The following RPS6KA3 variants were observed in gnomAD, a reference collection of about 807,000 sequenced individuals.
RPS6KA3 encodes ribosomal protein S6 kinase A3.
A neutral mutation model predicts 67.2 loss-of-function variants in RPS6KA3; 4 were observed. That is an observed-to-expected ratio of 0.06 (90% confidence interval 0.03 to 0.14). RPS6KA3 has a LOEUF of 0.14. Among genes scored for constraint, RPS6KA3 ranks in the 10% least tolerant of loss-of-function variants. RPS6KA3 has a pLI of 1.00. For synonymous variants in RPS6KA3, 182 were observed against 183.7 expected, an observed-to-expected ratio of 0.99 and a Z score of 0.07; for missense variants, 204 against 559.0, an observed-to-expected ratio of 0.36 and a Z score of 6.40.
intron 20 of RPS6KA3, among the ~76,000 whole-genome samples, chrX:20,157,315 A>C (rs1395269413): frequency 9.8e-6 from 1 of 101,848 alleles, no homozygotes; most frequent in Admixed American, 1.1e-4. Flanking sequence ...AAGTCTAGGC[A>C]ACATTGTGAG....
intron 10 of RPS6KA3, among the ~76,000 whole-genome samples, chrX:20,183,814 A>T (rs1258289731): frequency 1.8e-5 from 2 of 112,242 alleles, no homozygotes; most frequent in Non-Finnish European, 3.8e-5. Context: ...ATTTGCATTG[A>T]AACTATAGTT....
At chrX:20,233,123 G>A (rs998914623) in intron 2 of RPS6KA3, among the ~76,000 whole-genome samples, 7 of 111,438 alleles carry the variant, frequency 6.3e-5, no homozygotes, top group Admixed American at 9.5e-5. Context: ...GCAGCAGAGC[G>A]AGACTCTGTC....
rs1035809900 is a variant in RPS6KA3, at chrX:20,152,529, T to C, written c.*2869A>G. The C allele has an allele frequency of 8.9e-6, 1 of 112,086 alleles. No homozygotes were observed. Among genetic ancestry groups the C allele is most frequent in the Non-Finnish European group, 1.9e-5 (1 of 53,214 alleles). The allele number at this position is 112,086 out of a possible 1,213,427, so 9.2% of individuals were successfully genotyped here. A position where few individuals can be genotyped will look rare whatever the true frequency, so the allele number is the denominator to read the frequency against. On this transcript the variant is annotated 3_prime_UTR_variant, in exon 22 of 22. Coordinates refer to ENST00000379565, the MANE Select transcript of RPS6KA3 (RefSeq NM_004586.3). ...TGATACCTTTTGGGAGAAGCCTCAG[T>C]AACTGGCAGCACTAATTGGTGAAAG...
At chrX:20,167,334 T>C (rs769966339) in intron 17 of RPS6KA3, among the ~76,000 whole-genome samples, 3 of 111,616 alleles carry the variant, frequency 2.7e-5, no homozygotes, top group East Asian at 2.8e-4. Flanking sequence ...GCAGAAACAA[T>C]GCTATGTTTT....
chrX:20,257,073 G>C (rs761890470), intron 1 of RPS6KA3, among the ~76,000 whole-genome samples: 2 of 112,123 alleles, frequency 1.8e-5, no homozygotes, highest in South Asian at 7.4e-4. Context: ...GGGCAACCAT[G>C]AGCACGTTAT....
At position 20,156,072 on chromosome X, in the gene RPS6KA3, G is replaced by A. The variant is rs201099576; in HGVS notation, c.2100+37C>T. On this transcript the variant is annotated intron_variant, in intron 21 of 21. Coordinates refer to ENST00000379565, the MANE Select transcript of RPS6KA3 (RefSeq NM_004586.3). Reference sequence around the variant, plus strand: ...GGGCTTCTTGAAGTCTCTCCTGGAGGACCTGTGGAAAACAGTGACTGTATG... The same window carrying A: ...GGGCTTCTTGAAGTCTCTCCTGGAGAACCTGTGGAAAACAGTGACTGTATG... 288 of 1,197,104 alleles carry A rather than the reference G, an allele frequency of 2.4e-4. No individual in the cohort carries two copies. The African/African-American group carries it at 4.5e-3, about 19-fold the overall frequency.
rs1336991330 is a variant in RPS6KA3, at chrX:20,266,640, C to T, written c.-8G>A. The T allele has an allele frequency of 8.8e-7, 1 of 1,133,678 alleles. No individual in the cohort carries two copies. Among genetic ancestry groups the T allele is most frequent in the Middle Eastern group, 2.8e-4 (1 of 3,550 alleles). The allele number at this position is 1,133,678 out of a possible 1,213,427, so 93.4% of individuals were successfully genotyped here. On this transcript the variant is annotated 5_prime_UTR_variant, in exon 1 of 22. Coordinates refer to ENST00000379565, the MANE Select transcript of RPS6KA3 (RefSeq NM_004586.3). ...CAGCTGCGCCAGCGGCATCTTCCCC[C>T]CCGGCCCGCCGCCTTCACCGCCTCC...
intron 2 of RPS6KA3, among the ~76,000 whole-genome samples, chrX:20,221,277 C>T (rs1209444470): frequency 8.9e-6 from 1 of 111,753 alleles, no homozygotes; most frequent in Non-Finnish European, 1.9e-5. Flanking sequence ...AAACTAGATA[C>T]TGTTCTTTTT....
rs897792115 is a variant in RPS6KA3 at position 20,161,127 on chromosome X, C to T, written c.1959+517G>A. 6.3e-5 allele frequency among the ~76,000 whole-genome samples: 7 copies of T among 111,581 alleles called. No individual in the cohort carries two copies. In the East Asian group the frequency reaches 2.0e-3, roughly 31 times the overall value. On this transcript the variant is annotated intron_variant, in intron 20 of 21. Transcript: ENST00000379565. ...ATACATCTGTTTATCGTGAAAAAAC[C>T]GAAACCCCTTTCTTCATAATCTGAA...
intron 18 of RPS6KA3, 25 bp from the exon 19 acceptor site, chrX:20,163,065 T>G (rs766510543): frequency 3.2e-6 from 3 of 932,137 alleles, no homozygotes; most frequent in Non-Finnish European, 4.7e-6. Flanking sequence ...AAATTAGTAT[T>G]ACTATACCAC....
At chrX:20,196,411 T>G (rs1489801968) in intron 4 of RPS6KA3, among the ~76,000 whole-genome samples, 1 of 112,502 alleles carries the variant, frequency 8.9e-6, no homozygotes, top group African/African-American at 3.2e-5. Flanking sequence ...AAGCTCATGA[T>G]CTAGTGGGAA....
intron 15 of RPS6KA3, among the ~76,000 whole-genome samples, chrX:20,170,860 A>AT (rs1394551032): frequency 9.0e-6 from 1 of 110,920 alleles, no homozygotes; most frequent in African/African-American, 3.3e-5. Flanking sequence ...CTGCAGCCTG[A>AT]ACCTCCTGAG....
chrX:20,184,311 A>G (rs748131264), intron 10 of RPS6KA3, among the ~76,000 whole-genome samples: 2 of 111,443 alleles, frequency 1.8e-5, no homozygotes, highest in South Asian at 7.5e-4. Context: ...GGCCTCCCAA[A>G]GTGCTGGGAT....
At chrX:20,261,435 A>G (rs1479821843) in intron 1 of RPS6KA3, among the ~76,000 whole-genome samples, 1 of 112,282 alleles carries the variant, frequency 8.9e-6, no homozygotes, top group Non-Finnish European at 1.9e-5. Context: ...TTATTTATCA[A>G]TTGAAAAGTA....
At chrX:20,181,396 C>T (rs1477402477) in intron 10 of RPS6KA3, among the ~76,000 whole-genome samples, 1 of 110,360 alleles carries the variant, frequency 9.1e-6, no homozygotes, top group Non-Finnish European at 1.9e-5. Context: ...AGGGAGTGGC[C>T]ACCAGTGTCA....
At chrX:20,253,009 C>T (rs749240139) in intron 1 of RPS6KA3, among the ~76,000 whole-genome samples, 133 of 111,019 alleles carry the variant, frequency 1.2e-3, no homozygotes, top group Non-Finnish European at 1.6e-3. Flanking sequence ...CAATCTGCTA[C>T]TAGACCCCAC....
intron 2 of RPS6KA3, among the ~76,000 whole-genome samples, chrX:20,230,317 T>C (rs1403294722): frequency 8.9e-6 from 1 of 112,036 alleles, no homozygotes; most frequent in Non-Finnish European, 1.9e-5. Context: ...TGGTATGGTG[T>C]TGCCATTTAA....
chrX:20,193,309 A>G (rs188237646), intron 7 of RPS6KA3, among the ~76,000 whole-genome samples, 178 bp downstream of exon 7: 75 of 112,391 alleles, frequency 6.7e-4, no homozygotes, highest in Non-Finnish European at 1.2e-3. Flanking sequence ...ATGCACACAA[A>G]AACAGTATTT....
Position 20,155,292 on chromosome X carries a change from C to G in RPS6KA3, c.*106G>C. ...GGAACAGCAGCATTATGGGTACCAG[C>G]TGGGACAGTGTGTGCTTGCAGGTGT... is the stretch of plus-strand genomic sequence containing the variant. On this transcript the variant is annotated 3_prime_UTR_variant, in exon 22 of 22. Transcript: ENST00000379565. The G allele has an allele frequency of 1.1e-6, 1 of 906,655 alleles. No individual in the cohort carries two copies. The highest frequency in any genetic ancestry group is 1.6e-6 in the Non-Finnish European group (1 of 618,466). The allele number at this position is 906,655 out of a possible 1,213,427, so 74.7% of individuals were successfully genotyped here.
Sources: allele counts gnomAD v4.1 joint callset (sites outside exome capture counted in the v4.1 genomes callset), GRCh38; gene constraint gnomAD v4.1.1; transcripts MANE v1.5; gene names NCBI Gene and HGNC (gene_info 2026-07-23, HGNC 2026-07-21).